CABYR: variants seen among roughly 807,000 people sequenced by gnomAD.
CABYR encodes the protein calcium binding tyrosine phosphorylation regulated.
Under a neutral mutation model 36.1 loss-of-function variants are expected in CABYR, and 31 were observed. The observed-to-expected ratio is 0.86, with a 90% CI of 0.64 to 1.16. CABYR has a LOEUF of 1.16. Among genes scored for constraint, CABYR ranks in the 50% most tolerant of loss-of-function variants. The pLI is 0.00. For missense variants in CABYR, 429 were observed against 455.8 expected, an observed-to-expected ratio of 0.94 and a Z score of 0.53; for synonymous variants, 146 against 160.7, an observed-to-expected ratio of 0.91 and a Z score of 0.69.
chr18:24,140,409 C>G (rs958005597), intron 1 of CABYR: 1 of 152,118 alleles, frequency 6.6e-6, no homozygotes, highest in Non-Finnish European at 1.5e-5. Flanking sequence ...ATCCCCACTT[C>G]TGATTTTTTA....
intron 4 of CABYR, among the ~76,000 whole-genome samples, chr18:24,157,240 T>G (rs1474303942): frequency 6.6e-6 from 1 of 152,216 alleles, no homozygotes; most frequent in Non-Finnish European, 1.5e-5. Context: ...ACTTTTGCGT[T>G]ATTCTTTTGG....
At chr18:24,156,174 G>A in intron 4 of CABYR, 132 bp downstream of exon 4, 1 of 1,614,190 alleles carries the variant, frequency 6.2e-7, no homozygotes, top group Non-Finnish European at 8.5e-7. Flanking sequence ...TGCTCCTCTT[G>A]TGTGTTCTGG....
chr18:24,143,213 C>T lies in CABYR; in HGVS notation c.99C>T (p.Ile33=), dbSNP rs756022680. 8 of 1,613,880 alleles carry T rather than the reference C, an allele frequency of 5.0e-6. 1 individual carries two copies. The highest frequency in any genetic ancestry group is 6.8e-6 in the Non-Finnish European group (8 of 1,179,986). ...RAVLKTNPSN[I]NQFAAAYFQE... The stretch of plus-strand genomic sequence containing the variant: ...TTCTCAAAACCAACCCATCAAACAT[C>T]AACCAGTTTGCAGCAGCTTATTTTC... The change falls in exon 2 of 6, where the codon ATC becomes ATT. Residue 33 remains isoleucine (I), a synonymous_variant. Transcript: ENST00000399496.
chr18:24,156,192 C>T, intron 4 of CABYR, 150 bp downstream of exon 4: 1 of 1,614,140 alleles, frequency 6.2e-7, no homozygotes, highest in Non-Finnish European at 8.5e-7. Context: ...TGGAAAGGTG[C>T]TAGAAGTGCA....
At chr18:24,160,598 C>T (rs1220831219) in intron 5 of CABYR, among the ~76,000 whole-genome samples, 1 of 152,204 alleles carries the variant, frequency 6.6e-6, no homozygotes, top group Non-Finnish European at 1.5e-5. Context: ...ACTCACAAAT[C>T]ATTTTTTAAT....
At chr18:24,141,327 A>G (rs1311885914) in intron 1 of CABYR, among the ~76,000 whole-genome samples, 1 of 152,212 alleles carries the variant, frequency 6.6e-6, no homozygotes, top group Non-Finnish European at 1.5e-5. Context: ...TAACTGAACT[A>G]TGCCACTTAA....
intron 3 of CABYR, among the ~76,000 whole-genome samples, chr18:24,151,660 A>C (rs1005289583): frequency 1.3e-4 from 20 of 151,574 alleles, no homozygotes; most frequent in African/African-American, 4.8e-4. Context: ...TATTCCAAAC[A>C]AAGCCAAATG....
chr18:24,139,269 G>T (rs972602490), intron 1 of CABYR, among the ~76,000 whole-genome samples, 151 bp downstream of exon 1: 2 of 152,118 alleles, frequency 1.3e-5, no homozygotes, highest in Admixed American at 6.5e-5. Flanking sequence ...GGCCCACACC[G>T]GGGAGTGCGG....
intron 1 of CABYR, among the ~76,000 whole-genome samples, chr18:24,140,511 G>GTGA (rs10638118): frequency 1.1e-3 from 1 of 876 alleles, no homozygotes; most frequent in Non-Finnish European, 3.4e-3. Flanking sequence ...TAATCACATT[G>GTGA]GGAATGGGGC....
chr18:24,147,971 C>A lies in CABYR; in HGVS notation c.199+4558C>A, dbSNP rs547038611. Among the ~76,000 whole-genome samples, 5 of 152,324 alleles carry A rather than the reference C, an allele frequency of 3.3e-5. No homozygotes were observed. In the East Asian group the frequency reaches 9.6e-4, roughly 29 times the overall value. On this transcript the variant is annotated intron_variant, in intron 3 of 5. Transcript: ENST00000399496. ...AAGTATCACATATCTAGGCACTCTG[C>A]TGTGTCATTCTTAGGATGTTTTACA...
intron 3 of CABYR, among the ~76,000 whole-genome samples, chr18:24,145,297 ATCC>A (rs1443849736): frequency 6.6e-6 from 1 of 152,238 alleles, no homozygotes; most frequent in African/African-American, 2.4e-5. Context: ...TATTGGACTT[ATCC>A]TCCTATCATA....
intron 4 of CABYR, chr18:24,156,724 C>A: frequency 6.2e-7 from 1 of 1,614,182 alleles, no homozygotes; most frequent in Non-Finnish European, 8.5e-7. Context: ...GCAGAAGGTG[C>A]TATCAAAATA....
chr18:24,143,528 C>T (rs1363840661), intron 3 of CABYR, 115 bp downstream of exon 3: 2 of 446,250 alleles, frequency 4.5e-6, no homozygotes, highest in African/African-American at 4.1e-5. Flanking sequence ...TGTTTAATCA[C>T]ATTGTTCCTT....
intron 3 of CABYR, among the ~76,000 whole-genome samples, chr18:24,154,701 A>T (rs754534783): frequency 3.1e-4 from 47 of 152,234 alleles, no homozygotes; most frequent in Non-Finnish European, 5.6e-4. Flanking sequence ...GAAAATTCTC[A>T]GCAAACAGAT....
chr18:24,161,414 G>A (rs1599409180), intron 5 of CABYR, 102 bp from the exon 6 acceptor site: 1 of 725,478 alleles, frequency 1.4e-6, no homozygotes, highest in East Asian at 2.5e-5. Flanking sequence ...CTTAGTAACA[G>A]AGCAGGAGGG....
intron 3 of CABYR, among the ~76,000 whole-genome samples, chr18:24,154,102 CAAAAAA>C (rs33985751): frequency 5.0e-4 from 29 of 57,434 alleles, no homozygotes; most frequent in South Asian, 1.9e-3. Flanking sequence ...GACTCCATCT[CAAAAAA>C]AAAAAAAAAA....
rs541379391 is a variant in CABYR, at chr18:24,156,198, GT to G, written c.541+157del. On this transcript the variant is annotated intron_variant, in intron 4 of 5. Transcript: ENST00000399496. ...TGTGTGTTCTGGAAAGGTGCTAGAA[GT>G]GCAGGTTGTGAACCAAACATCTGTC... is the stretch of plus-strand genomic sequence containing the variant. 29 of 1,614,166 alleles carry G rather than the reference GT, an allele frequency of 1.8e-5. 1 individual carries two copies. In the South Asian group the frequency reaches 2.9e-4, roughly 16 times the overall value.
chr18:24,159,907 C>A lies in CABYR; in HGVS notation c.977C>A (p.Pro326Gln). Residue 326 changes from proline (P) to glutamine (Q), a missense_variant, in exon 5 of 6, where the codon CCA becomes CAA. By Grantham distance (76) the Pro-to-Gln change is moderately conservative (BLOSUM62 -1). Coordinates refer to ENST00000399496, the MANE Select transcript of CABYR (RefSeq NM_153769.3). The part of the protein sequence containing the change: ...NPPSGQDVPR[P>Q]KSPVFLSVAF... ...CCAAGTGGACAAGATGTCCCCAGGC[C>A]AAAAAGCCCTGTTTTCCTTTCTGTT... 2 of 1,614,142 alleles carry A rather than the reference C, an allele frequency of 1.2e-6. No individual in the cohort carries two copies. Among genetic ancestry groups the A allele is most frequent in the Non-Finnish European group, 1.7e-6 (2 of 1,180,034 alleles).
chr18:24,161,397 A>G (rs1198907797), intron 5 of CABYR, 119 bp from the exon 6 acceptor site: 1 of 654,408 alleles, frequency 1.5e-6, no homozygotes, highest in African/African-American at 1.8e-5. Flanking sequence ...ATAGGTAACT[A>G]GTTAAGCTTA....
Sources: allele counts gnomAD v4.1 joint callset (sites outside exome capture counted in the v4.1 genomes callset), GRCh38; gene constraint gnomAD v4.1.1; transcripts MANE v1.5; gene names NCBI Gene and HGNC (gene_info 2026-07-23, HGNC 2026-07-21).